The following CEP350 variants were observed in gnomAD, a reference collection of about 807,000 sequenced individuals.
CEP350 encodes the protein centrosome-associated protein 350.
CEP350 carries 126 observed loss-of-function variants against 331.8 expected under a neutral mutation model. The observed-to-expected ratio is 0.38, with a 90% CI of 0.33 to 0.44. CEP350 has a LOEUF of 0.44. Among genes scored for constraint, CEP350 ranks in the 20% least tolerant of loss-of-function variants. The pLI is 1.00. For missense variants in CEP350, 3,406 were observed against 3,634.6 expected, an observed-to-expected ratio of 0.94 and a Z score of 1.62; for synonymous variants, 1,200 against 1,259.5, an observed-to-expected ratio of 0.95 and a Z score of 1.00.
At chr1:179,965,692 C>T (rs1650962623) in intron 1 of CEP350, among the ~76,000 whole-genome samples, 2 of 133,368 alleles carry the variant, frequency 1.5e-5, no homozygotes, top group South Asian at 4.9e-4. Flanking sequence ...GCAATCTCGG[C>T]TTACTGCAAC....
intron 17 of CEP350, among the ~76,000 whole-genome samples, chr1:180,038,762 G>A (rs1656543004): frequency 6.6e-6 from 1 of 152,018 alleles, no homozygotes; most frequent in African/African-American, 2.4e-5. Context: ...CATATATTCT[G>A]GAAACAAGTC....
At chr1:180,065,377 T>C in intron 27 of CEP350, 105 bp downstream of exon 27, 1 of 1,139,168 alleles carries the variant, frequency 8.8e-7, no homozygotes, top group Non-Finnish European at 1.2e-6. Flanking sequence ...CAAAATATTT[T>C]ATGGATTCAG....
At chr1:180,102,328 G>T (rs1660872722) in intron 37 of CEP350, among the ~76,000 whole-genome samples, 1 of 151,962 alleles carries the variant, frequency 6.6e-6, no homozygotes, top group Non-Finnish European at 1.5e-5. Context: ...TAGAGATGGG[G>T]TTTCACCATG....
At chr1:179,986,068 A>AT in intron 1 of CEP350, 101 bp from the exon 2 acceptor site, 1 of 879,290 alleles carries the variant, frequency 1.1e-6, no homozygotes, top group East Asian at 2.7e-5. Flanking sequence ...TTACATCCTA[A>AT]TGGGTGTGAA....
In CEP350 at chr1:179,996,952, T is replaced by A; in HGVS notation, c.795T>A (p.Ser265=). The change falls in exon 6 of 38, where the codon TCT becomes TCA. Residue 265 remains serine, a synonymous_variant. Transcript: ENST00000367607. ...TDSSPSSTST[S]NSQRLDILKR... is the part of the protein sequence containing the mutation. ...CTTCTCCATCCTCTACTAGTACTTC[T>A]AATTCCCAAAGATTAGATATTCTAA... 6.2e-7 allele frequency: 1 copy of A among 1,614,034 alleles called. No individual in the cohort carries two copies. The highest frequency in any genetic ancestry group is 1.3e-5 in the African/African-American group (1 of 75,068).
intron 8 of CEP350, 149 bp downstream of exon 8, chr1:180,006,716 G>A (rs561195746): frequency 4.7e-5 from 27 of 574,574 alleles, no homozygotes; most frequent in African/African-American, 1.5e-4. Context: ...CCATTAACCC[G>A]TCATCTACAT....
At chr1:180,084,213 G>A (rs1288161581) in intron 31 of CEP350, 35 bp downstream of exon 31, 4 of 1,530,292 alleles carry the variant, frequency 2.6e-6, no homozygotes, top group Non-Finnish European at 3.5e-6. Flanking sequence ...TAGTATCAAG[G>A]CTAATGTGTA....
At position 180,077,016 on chromosome 1, in the gene CEP350, G is replaced by T. The variant is rs560114347; in HGVS notation, c.5768-1447G>T. 1.4e-4 allele frequency among the ~76,000 whole-genome samples: 22 copies of T among 152,170 alleles called. No homozygotes were observed. In the South Asian group the frequency reaches 3.3e-3, roughly 23 times the overall value. ...TTAGCTCTGTTCAGCATTGTGTAGA[G>T]GTCCTACACAGTACATTTAAGGCTA... On this transcript the variant is annotated intron_variant, in intron 28 of 37. Coordinates refer to ENST00000367607, the MANE Select transcript of CEP350 (RefSeq NM_014810.5).
chr1:180,112,708 G>C lies in CEP350; in HGVS notation c.*1547G>C, dbSNP rs1360058138. 6.6e-6 allele frequency: 1 copy of C among 152,564 alleles called. No individual in the cohort carries two copies. The highest frequency in any genetic ancestry group is 6.5e-5 in the Admixed American group (1 of 15,270). The allele number at this position is 152,564 out of a possible 1,614,324, so 9.5% of individuals were successfully genotyped here. ...TTTACAAATATCCTGGAATGTTATAGCTTCAAAGTATATTAGAAAAACCCC... is the reference window on the plus strand; with the variant it reads ...TTTACAAATATCCTGGAATGTTATACCTTCAAAGTATATTAGAAAAACCCC... On this transcript the variant is annotated 3_prime_UTR_variant, in exon 38 of 38. Transcript: ENST00000367607.
At chr1:179,961,670 A>G (rs1274385730) in intron 1 of CEP350, among the ~76,000 whole-genome samples, 1 of 152,120 alleles carries the variant, frequency 6.6e-6, no homozygotes, top group Non-Finnish European at 1.5e-5. Context: ...TTAGTTATAA[A>G]TGAAGTTAGA....
intron 21 of CEP350, among the ~76,000 whole-genome samples, chr1:180,047,757 C>CAAAAAAAA (rs5779043): frequency 5.4e-5 from 4 of 74,020 alleles, no homozygotes; most frequent in African/African-American, 1.3e-4. Flanking sequence ...TGAAACTCCT[C>CAAAAAAAA]AAAAAAAAAA....
chr1:180,011,784 T>C (rs1654675889), intron 8 of CEP350, 145 bp from the exon 9 acceptor site: 2 of 562,102 alleles, frequency 3.6e-6, no homozygotes, highest in Non-Finnish European at 6.2e-6. Context: ...TTGGGGAGGT[T>C]AGGGTTTAAA....
In CEP350 at chr1:179,971,229, A is replaced by G. The variant is rs537421882; in HGVS notation, c.-13-14940A>G. On this transcript the variant is annotated intron_variant, in intron 1 of 37. Transcript: ENST00000367607. Reference sequence around the variant, plus strand: ...TTTTTAGTAGAGACTGGGTTTCACCATGTTGGCCAGGCTGGTCTCGAACTC... The same window carrying G: ...TTTTTAGTAGAGACTGGGTTTCACCGTGTTGGCCAGGCTGGTCTCGAACTC... Among the ~76,000 whole-genome samples, 8 of 152,056 alleles carry G rather than the reference A, an allele frequency of 5.3e-5. No homozygotes were observed. The South Asian group carries it at 1.0e-3, about 20-fold the overall frequency.
intron 32 of CEP350, among the ~76,000 whole-genome samples, chr1:180,088,804 G>A (rs992834016): frequency 1.3e-5 from 2 of 152,152 alleles, no homozygotes; most frequent in African/African-American, 4.8e-5. Flanking sequence ...AGGGTTAAAA[G>A]ACTTAACAGG....
rs560500311 is a variant in CEP350, at chr1:179,961,044, A to G, written c.-14+5902A>G. Among the ~76,000 whole-genome samples the G allele has an allele frequency of 9.2e-5, 14 of 152,206 alleles. No individual in the cohort carries two copies. In the South Asian group the frequency reaches 2.7e-3, roughly 29 times the overall value. ...GTGCTCCCAAAGGTTGATTTTTTAC[A>G]TTTATCTTTATTTTTTATTTTTTTA... On this transcript the variant is annotated intron_variant, in intron 1 of 37. Coordinates refer to ENST00000367607, the MANE Select transcript of CEP350 (RefSeq NM_014810.5).
intron 1 of CEP350, among the ~76,000 whole-genome samples, chr1:179,975,135 T>C (rs1427158033): frequency 6.6e-6 from 1 of 152,192 alleles, no homozygotes; most frequent in African/African-American, 2.4e-5. Flanking sequence ...TGAAGGGCAT[T>C]CTTGCCAGAT....
At position 180,014,492 on chromosome 1, in the gene CEP350, C is replaced by T. The variant is rs368106346; in HGVS notation, c.2039C>T (p.Thr680Met). The T allele has an allele frequency of 1.7e-5, 27 of 1,603,092 alleles. No homozygotes were observed. Among genetic ancestry groups the T allele is most frequent in the African/African-American group, 1.5e-4 (11 of 74,196 alleles). The change falls in exon 10 of 38, where the codon ACG becomes ATG. Residue 680 changes from threonine (T) to methionine (M), a missense_variant. Physicochemically the swap from Thr to Met is moderately conservative, Grantham distance 81. Around this residue, in one of 5 missense-constraint regions of CEP350, gnomAD observed 1,857 missense variants for 1,909.2 expected, o/e 0.97. Coordinates refer to ENST00000367607, the MANE Select transcript of CEP350 (RefSeq NM_014810.5). ...GAAGAGCCATCTCATCAACATGTTACGCAGGAAACACAGGTAATAGTAGTG... is the reference window on the plus strand; with the variant it reads ...GAAGAGCCATCTCATCAACATGTTATGCAGGAAACACAGGTAATAGTAGTG... ...LLEEPSHQHVTQETQAKPGYQ... is the reference protein window; with the variant it reads ...LLEEPSHQHVMQETQAKPGYQ...
At chr1:180,109,674 C>G (rs528853360) in intron 37 of CEP350, among the ~76,000 whole-genome samples, 4 of 152,046 alleles carry the variant, frequency 2.6e-5, no homozygotes, top group Non-Finnish European at 4.4e-5. Context: ...TTCACTCTGT[C>G]GCCCAGGCTA....
intron 13 of CEP350, among the ~76,000 whole-genome samples, chr1:180,023,908 G>A (rs1304479100): frequency 6.6e-6 from 1 of 151,894 alleles, no homozygotes; most frequent in Non-Finnish European, 1.5e-5. Flanking sequence ...TAGATTAATA[G>A]GAATAAGTAT....
Sources: gnomAD v4.1 joint callset for allele counts (sites outside exome capture counted in the v4.1 genomes callset) on GRCh38, gnomAD v4.1.1 for gene constraint, gnomAD v4.1.1 regional missense constraint, MANE v1.5 for transcripts, NCBI Gene and HGNC (gene_info 2026-07-23, HGNC 2026-07-21) for gene names.